PLPP1: variants seen among roughly 807,000 people sequenced by gnomAD.
The protein encoded by PLPP1 is phospholipid phosphatase 1, also known as lipid phosphate phosphohydrolase 1a.
PLPP1 carries 24 observed loss-of-function variants against 31.2 expected under a neutral mutation model. That is an observed-to-expected ratio of 0.77 (90% CI 0.56 to 1.08). The LOEUF is 1.08. Ranked by LOEUF, PLPP1 falls within the 50% of genes least tolerant of loss-of-function variation. The pLI is 0.00. For synonymous variants in PLPP1, 146 were observed against 126.3 expected (o/e 1.16, Z -1.05); for missense variants, 319 against 342.7 (o/e 0.93, Z 0.55).
chr5:55,442,318 G>A (rs961992011), intron 3 of PLPP1, among the ~76,000 whole-genome samples: 4 of 152,058 alleles, frequency 2.6e-5, no homozygotes, highest in African/African-American at 9.7e-5. Context: ...ACCTCCTTGG[G>A]AACACTCAGA....
chr5:55,469,098 T>C (rs1752364983), intron 2 of PLPP1, among the ~76,000 whole-genome samples: 1 of 152,042 alleles, frequency 6.6e-6, no homozygotes. Context: ...AACAAACCCA[T>C]ATCCTGAGAA....
At position 55,424,894 on chromosome 5, in the gene PLPP1, T is replaced by A; in HGVS notation, c.*312A>T. Reference sequence around the variant, plus strand: ...CATTTTAATATGTATTATATTTAAATCAAACATCATTCATAGAAAGCATAT... The same window carrying A: ...CATTTTAATATGTATTATATTTAAAACAAACATCATTCATAGAAAGCATAT... On this transcript the variant is annotated 3_prime_UTR_variant, in exon 6 of 6. Coordinates refer to ENST00000307259, the MANE Select transcript of PLPP1 (RefSeq NM_003711.4). The A allele has an allele frequency of 1.4e-6, 1 of 695,610 alleles. No homozygotes were observed. 43.1% of individuals were successfully genotyped at this position (695,610 alleles called of 1,614,324 possible). A position where few individuals can be genotyped will look rare whatever the true frequency, so the allele number is the denominator to read the frequency against.
At chr5:55,528,637 T>C (rs1421125973) in intron 1 of PLPP1, among the ~76,000 whole-genome samples, 1 of 152,212 alleles carries the variant, frequency 6.6e-6, no homozygotes, top group East Asian at 1.9e-4. Context: ...CAGGATATGG[T>C]TTAATACACT....
intron 3 of PLPP1, among the ~76,000 whole-genome samples, chr5:55,462,573 G>C (rs1227909652): frequency 6.6e-6 from 1 of 152,010 alleles, no homozygotes; most frequent in Non-Finnish European, 1.5e-5. Flanking sequence ...GTTGAGGCAA[G>C]TAAAGATTTC....
chr5:55,445,736 G>C (rs1399344219), intron 3 of PLPP1, among the ~76,000 whole-genome samples: 2 of 151,668 alleles, frequency 1.3e-5, no homozygotes, highest in East Asian at 3.9e-4. Flanking sequence ...GTAGAGACAG[G>C]GTTTCACCGT....
At chr5:55,458,873 G>T (rs1752080870) in intron 3 of PLPP1, among the ~76,000 whole-genome samples, 1 of 112,608 alleles carries the variant, frequency 8.9e-6, no homozygotes, top group African/African-American at 3.5e-5. Flanking sequence ...GGGCAACAGA[G>T]GAGACCCTGT....
chr5:55,457,164 CAAA>C (rs78123061), intron 3 of PLPP1, among the ~76,000 whole-genome samples: 4 of 103,192 alleles, frequency 3.9e-5, no homozygotes, highest in Non-Finnish European at 4.2e-5. Flanking sequence ...CGTCTCAGAC[CAAA>C]AAAAAAAAAA....
intron 3 of PLPP1, among the ~76,000 whole-genome samples, chr5:55,449,170 A>C (rs1037618836): frequency 1.5e-4 from 23 of 152,236 alleles, no homozygotes; most frequent in African/African-American, 5.5e-4. Context: ...TTTAAATGTT[A>C]CTTATTTAAT....
chr5:55,466,725 GA>G (rs539855996), intron 3 of PLPP1, among the ~76,000 whole-genome samples: 7 of 146,760 alleles, frequency 4.8e-5, no homozygotes, highest in South Asian at 4.3e-4. Flanking sequence ...AAAAGGAAAA[GA>G]AAAAAAAAAT....
At chr5:55,458,452 G>T (rs1338287618) in intron 3 of PLPP1, among the ~76,000 whole-genome samples, 1 of 151,710 alleles carries the variant, frequency 6.6e-6, no homozygotes, top group Non-Finnish European at 1.5e-5. Flanking sequence ...ATATGAAGAT[G>T]TATATTGTAA....
At chr5:55,513,287 T>A (rs1753481114) in intron 1 of PLPP1, among the ~76,000 whole-genome samples, 1 of 150,898 alleles carries the variant, frequency 6.6e-6, no homozygotes, top group Admixed American at 6.6e-5. Context: ...TAAGACAGAG[T>A]CTTGCTTTGT....
At position 55,468,026 on chromosome 5, in the gene PLPP1, T is replaced by C; in HGVS notation, c.334A>G (p.Ser112Gly). 2 of 1,614,174 alleles carry C rather than the reference T, an allele frequency of 1.2e-6. No homozygotes were observed. The highest frequency in any genetic ancestry group is 1.7e-6 in the Non-Finnish European group (2 of 1,180,008). ...IGTFLFGAAA[S>G]QSLTDIAKYS... ...TTGGCAATGTCAGTCAGGGACTGAC[T>C]AGCAGCTGCACCAAATAAAAAGGTT... is the stretch of plus-strand genomic sequence containing the variant. Residue 112 changes from serine to glycine, a missense_variant, in exon 3 of 6, where the codon AGT becomes GGT. Physicochemically the swap from Ser to Gly is moderately conservative, Grantham distance 56. Coordinates refer to ENST00000307259, the MANE Select transcript of PLPP1 (RefSeq NM_003711.4).
At chr5:55,524,243 A>G (rs1044090534) in intron 1 of PLPP1, among the ~76,000 whole-genome samples, 3 of 152,072 alleles carry the variant, frequency 2.0e-5, no homozygotes, top group African/African-American at 7.2e-5. Flanking sequence ...ACACACTAAC[A>G]CTAACAATAG....
At chr5:55,461,544 T>C (rs1195243857) in intron 3 of PLPP1, among the ~76,000 whole-genome samples, 4 of 151,646 alleles carry the variant, frequency 2.6e-5, no homozygotes, top group African/African-American at 7.3e-5. Flanking sequence ...AGAAAAAGCA[T>C]GTCACAAAAT....
intron 1 of PLPP1, among the ~76,000 whole-genome samples, chr5:55,485,754 C>T (rs1752763599): frequency 6.6e-6 from 1 of 152,082 alleles, no homozygotes; most frequent in Non-Finnish European, 1.5e-5. Context: ...AGAACGATTA[C>T]TATTCTTCTC....
chr5:55,508,727 G>A, intron 1 of PLPP1: 1 of 153,978 alleles, frequency 6.5e-6, no homozygotes. Context: ...TTTAGCTGAG[G>A]TATCATAGGG....
chr5:55,469,600 C>G (rs189702091), intron 2 of PLPP1, among the ~76,000 whole-genome samples: 109 of 151,882 alleles, frequency 7.2e-4, no homozygotes, highest in Non-Finnish European at 1.3e-3. Context: ...CAAAGCTTGA[C>G]TTGAGATACA....
At chr5:55,454,395 TTCTG>T (rs1392810701) in intron 3 of PLPP1, among the ~76,000 whole-genome samples, 2 of 152,118 alleles carry the variant, frequency 1.3e-5, no homozygotes, top group Non-Finnish European at 2.9e-5. Context: ...CAAAAGCTTT[TTCTG>T]TCTGTCTGCT....
Position 55,511,650 on chromosome 5 carries a change from G to GTTT in PLPP1, c.58+22919_58+22921dup, listed in dbSNP as rs1158182340. On this transcript the variant is annotated intron_variant, in intron 1 of 5. Coordinates refer to ENST00000307259, the MANE Select transcript of PLPP1 (RefSeq NM_003711.4). ...ACTTTAGCGATTTAACACGTGTTGA[G>GTTT]TTTTTTTTTTTTTTTTTTTTTTTTT... 1.8e-3 allele frequency among the ~76,000 whole-genome samples: 95 copies of GTTT among 51,500 alleles called. 19 individuals carry two copies. The highest frequency in any genetic ancestry group is 5.7e-3 in the African/African-American group (64 of 11,166). 33.8% of individuals were successfully genotyped at this position (51,500 alleles called of 152,430 possible).
Sources: gnomAD v4.1 joint callset for allele counts (sites outside exome capture counted in the v4.1 genomes callset) on GRCh38, gnomAD v4.1.1 for gene constraint, MANE v1.5 for transcripts, NCBI Gene and HGNC (gene_info 2026-07-23, HGNC 2026-07-21) for gene names.